Variants in KIAA1671 observed in about 807,000 individuals in gnomAD.
KIAA1671 encodes the protein KIAA1671.
Under a neutral mutation model 131.2 loss-of-function variants are expected in KIAA1671, and 52 were observed. The ratio of observed to expected loss-of-function variants is 0.40; its 90% CI spans 0.32 to 0.50. KIAA1671 has a LOEUF of 0.50. KIAA1671 is among the 20% of genes least tolerant of loss of function. KIAA1671 has a pLI of 0.73. For missense variants in KIAA1671, 2,360 were observed against 2,364.2 expected (o/e 1.00, Z 0.04); for synonymous variants, 1,003 against 961.6 (o/e 1.04, Z -0.80).
chr22:25,166,802 CAG>C (rs1933660661), intron 6 of KIAA1671, among the ~76,000 whole-genome samples: 1 of 152,176 alleles, frequency 6.6e-6, no homozygotes, highest in South Asian at 2.1e-4. Flanking sequence ...CTGGGCAGAG[CAG>C]AGACAGCAAG....
Position 25,026,785 on chromosome 22 carries a change from C to T in KIAA1671, c.-56+1001C>T, listed in dbSNP as rs372715194. ...TGGTGGACTTGAGGTTAGGTTTCAGCTGGGTGATCGTAGGCAAGTCTGGCG... is the reference window on the plus strand; with the variant it reads ...TGGTGGACTTGAGGTTAGGTTTCAGTTGGGTGATCGTAGGCAAGTCTGGCG... On this transcript the variant is annotated intron_variant, in intron 2 of 12. Coordinates refer to ENST00000358431, the MANE Select transcript of KIAA1671 (RefSeq NM_001145206.2). 9.9e-5 allele frequency among the ~76,000 whole-genome samples: 15 copies of T among 152,026 alleles called. No individual in the cohort carries two copies. The South Asian group carries it at 3.1e-3, about 32-fold the overall frequency.
intron 6 of KIAA1671, among the ~76,000 whole-genome samples, chr22:25,108,507 T>C (rs1245856531): frequency 6.6e-6 from 1 of 152,150 alleles, no homozygotes; most frequent in Non-Finnish European, 1.5e-5. Context: ...GGACAAACTT[T>C]GGAGGCCCAC....
chr22:25,060,034 T>C (rs1928076479), intron 6 of KIAA1671: 1 of 152,108 alleles, frequency 6.6e-6, no homozygotes, highest in African/African-American at 2.4e-5. Context: ...TCGGGAGCTG[T>C]GCCCGGAAGC....
At chr22:24,992,573 G>C (rs1465301102) in intron 1 of KIAA1671, among the ~76,000 whole-genome samples, 1 of 152,096 alleles carries the variant, frequency 6.6e-6, no homozygotes, top group Non-Finnish European at 1.5e-5. Context: ...CCAGCACTTT[G>C]GGAGGCTGAG....
chr22:25,117,052 C>G (rs1054924578), intron 6 of KIAA1671, among the ~76,000 whole-genome samples: 4 of 152,164 alleles, frequency 2.6e-5, no homozygotes, highest in African/African-American at 9.7e-5. Context: ...TTCCTACCCA[C>G]TAGAAGCCAG....
chr22:25,108,988 CTG>C (rs1931183792), intron 6 of KIAA1671, among the ~76,000 whole-genome samples: 1 of 152,188 alleles, frequency 6.6e-6, no homozygotes, highest in Non-Finnish European at 1.5e-5. Flanking sequence ...ATGTGGGTTT[CTG>C]TGTGTGACTG....
chr22:25,004,904 C>CCT (rs1272786101), intron 1 of KIAA1671, among the ~76,000 whole-genome samples: 1 of 151,436 alleles, frequency 6.6e-6, no homozygotes, highest in Non-Finnish European at 1.5e-5. Flanking sequence ...TGAGATGGCA[C>CCT]CTCTGCACTC....
At chr22:25,128,399 G>C (rs1932279732) in intron 6 of KIAA1671, among the ~76,000 whole-genome samples, 1 of 152,252 alleles carries the variant, frequency 6.6e-6, no homozygotes, top group African/African-American at 2.4e-5. Context: ...CAGGTGTTGG[G>C]TGGATGATGA....
intron 6 of KIAA1671, among the ~76,000 whole-genome samples, chr22:25,081,928 G>A (rs1929429430): frequency 1.3e-5 from 2 of 152,148 alleles, no homozygotes; most frequent in South Asian, 4.1e-4. Context: ...CCGCTGGGTA[G>A]TGCATGTCTA....
chr22:25,045,186 C>T (rs1002178934), intron 5 of KIAA1671, among the ~76,000 whole-genome samples: 4 of 152,046 alleles, frequency 2.6e-5, no homozygotes, highest in Non-Finnish European at 4.4e-5. Context: ...TTTTGAAATA[C>T]TATAGAAAAA....
intron 6 of KIAA1671, among the ~76,000 whole-genome samples, chr22:25,108,960 G>T (rs957207852): frequency 2.0e-5 from 3 of 152,168 alleles, no homozygotes; most frequent in African/African-American, 7.2e-5. Flanking sequence ...TGTTTGCTGG[G>T]GGCCTCAGAT....
chr22:25,098,956 C>T (rs191612099), intron 6 of KIAA1671, among the ~76,000 whole-genome samples: 11 of 152,182 alleles, frequency 7.2e-5, no homozygotes, highest in East Asian at 1.9e-4. Context: ...TGTGTGGAGG[C>T]GTGCTCTGCA....
chr22:25,148,190 T>G (rs1353966479), intron 6 of KIAA1671, among the ~76,000 whole-genome samples: 4 of 150,108 alleles, frequency 2.7e-5, no homozygotes, highest in Admixed American at 6.6e-5. Flanking sequence ...CCCAGCCCTT[T>G]CTCAGTCCCA....
chr22:25,058,084 TG>T (rs1927952905), intron 6 of KIAA1671: 1 of 152,204 alleles, frequency 6.6e-6, no homozygotes, highest in African/African-American at 2.4e-5. Flanking sequence ...TTTCTTCTTC[TG>T]GAAATGGAAA....
intron 6 of KIAA1671, chr22:25,062,950 T>A (rs1928252560): frequency 6.6e-6 from 1 of 152,068 alleles, no homozygotes; most frequent in African/African-American, 2.4e-5. Context: ...ATGCCTTTTT[T>A]TGGGGCAGAT....
At chr22:25,068,561 C>T (rs374486861) in intron 6 of KIAA1671, among the ~76,000 whole-genome samples, 49 of 152,156 alleles carry the variant, frequency 3.2e-4, no homozygotes, top group Non-Finnish European at 5.6e-4. Context: ...CTCAGCCTCC[C>T]GAGTAGCTGG....
intron 1 of KIAA1671, among the ~76,000 whole-genome samples, chr22:25,002,559 G>A (rs1214384489): frequency 6.6e-6 from 1 of 152,150 alleles, no homozygotes; most frequent in African/African-American, 2.4e-5. Context: ...CAAAAACCAA[G>A]CCTTTAGCCA....
chr22:24,999,414 A>G (rs1196187893), intron 1 of KIAA1671, among the ~76,000 whole-genome samples: 1 of 151,918 alleles, frequency 6.6e-6, no homozygotes. Flanking sequence ...AATTTTTTGC[A>G]AAGACAGGGT....
At chr22:25,183,464 C>T (rs1934362936) in intron 10 of KIAA1671, among the ~76,000 whole-genome samples, 1 of 87,660 alleles carries the variant, frequency 1.1e-5, no homozygotes, top group South Asian at 4.3e-4. Flanking sequence ...CTCCCTCCCT[C>T]TCTTCCTTCC....
Sources: gnomAD v4.1 joint callset for allele counts (sites outside exome capture counted in the v4.1 genomes callset) on GRCh38, gnomAD v4.1.1 for gene constraint, MANE v1.5 for transcripts, NCBI Gene and HGNC (gene_info 2026-07-23, HGNC 2026-07-21) for gene names.